The following TET1 variants were observed in gnomAD, a reference collection of about 807,000 sequenced individuals.
The protein encoded by TET1 is methylcytosine dioxygenase TET1.
In TET1, 13 loss-of-function variants were observed where a neutral mutation model predicts 148.7. The ratio of observed to expected loss-of-function variants is 0.09; its 90% confidence interval spans 0.06 to 0.14. The LOEUF is 0.14. Among genes scored for constraint, TET1 ranks in the 10% least tolerant of loss-of-function variants. TET1 has a pLI of 1.00. For synonymous variants in TET1, 907 were observed against 937.2 expected, an observed-to-expected ratio of 0.97 and a Z score of 0.59; for missense variants, 2,182 against 2,553.8, an observed-to-expected ratio of 0.85 and a Z score of 3.14.
intron 10 of TET1, among the ~76,000 whole-genome samples, chr10:68,684,357 T>C (rs1172267116): frequency 6.7e-6 from 1 of 148,694 alleles, no homozygotes; most frequent in Non-Finnish European, 1.5e-5. Flanking sequence ...GTATTGGTGA[T>C]AGATTAAGCC....
intron 3 of TET1, 95 bp downstream of exon 3, chr10:68,601,129 A>T: frequency 9.5e-7 from 1 of 1,054,750 alleles, no homozygotes; most frequent in South Asian, 1.6e-5. Context: ...GTATATGTGA[A>T]TTCTCCCAGA....
intron 10 of TET1, among the ~76,000 whole-genome samples, chr10:68,684,658 G>A (rs1006613523): frequency 1.1e-4 from 16 of 152,056 alleles, no homozygotes; most frequent in African/African-American, 3.6e-4. Context: ...GGTCTTATCC[G>A]GAACTTGACA....
intron 1 of TET1, among the ~76,000 whole-genome samples, chr10:68,562,703 C>G (rs2053566938): frequency 6.6e-6 from 1 of 151,838 alleles, no homozygotes; most frequent in African/African-American, 2.4e-5. Context: ...GGGCTGGTCT[C>G]CCAGAATAGA....
chr10:68,654,354 G>A (rs192702511), intron 6 of TET1, among the ~76,000 whole-genome samples: 14 of 152,120 alleles, frequency 9.2e-5, no homozygotes, highest in Admixed American at 5.2e-4. Flanking sequence ...AGTGGCTCAC[G>A]CCTGTAATCC....
At chr10:68,632,376 C>T (rs12761032) in intron 3 of TET1, 138,672 of 1,601,822 alleles carry the variant, frequency 0.087, 7,776 homozygotes, top group South Asian at 0.19. Flanking sequence ...TCCTCATGGC[C>T]TCCACGCCGG....
rs1169844402 is a variant in TET1 at position 68,686,646 on chromosome 10, C to G, written c.5343C>G (p.Ile1781Met). Residue 1781 changes from isoleucine to methionine, a missense_variant, in exon 11 of 12, where the codon ATC (isoleucine) becomes ATG (methionine). Transcript: ENST00000373644. ...TGGAAAAGAAACCTATTCCCCGAAT[C>G]AAGCGGAAGAATAACTCAACAACAA... ...RAVEKKPIPR[I>M]KRKNNSTTTN... is the part of the protein sequence containing the mutation. The G allele has an allele frequency of 6.2e-7, 1 of 1,614,022 alleles. No individual in the cohort carries two copies.
In TET1 at chr10:68,694,391, G is replaced by A. The variant is rs2055630146; in HGVS notation, c.*2577G>A. On this transcript the variant is annotated 3_prime_UTR_variant, in exon 12 of 12. Coordinates refer to ENST00000373644, the MANE Select transcript of TET1 (RefSeq NM_030625.3). ...TTAAAAGCTTATTCAATGTTCTGCA[G>A]CATTGTGATTGTATGCTGGCTACAC... is the stretch of plus-strand genomic sequence containing the variant. 4.3e-6 allele frequency: 1 copy of A among 232,274 alleles called. No individual in the cohort carries two copies. The highest frequency in any genetic ancestry group is 1.8e-4 in the South Asian group (1 of 5,518). The allele number at this position is 232,274 out of a possible 1,614,324, so 14.4% of individuals were successfully genotyped here.
chr10:68,626,775 C>T (rs1008455849), intron 3 of TET1, among the ~76,000 whole-genome samples: 1 of 152,012 alleles, frequency 6.6e-6, no homozygotes. Context: ...TGGTCTCGAA[C>T]TCCTGACCTC....
intron 2 of TET1, among the ~76,000 whole-genome samples, chr10:68,584,115 C>A (rs934084758): frequency 6.6e-6 from 1 of 151,370 alleles, no homozygotes; most frequent in South Asian, 2.1e-4. Flanking sequence ...TCTCGGCTCA[C>A]TGCAACCTCC....
intron 3 of TET1, chr10:68,632,331 A>C: frequency 1.3e-6 from 2 of 1,514,010 alleles, no homozygotes; most frequent in Non-Finnish European, 9.0e-7. Flanking sequence ...CAAAAAAAAA[A>C]GAAAGGGTGC....
intron 9 of TET1, 99 bp from the exon 10 acceptor site, chr10:68,682,737 T>TTTG (rs2055453449): frequency 1.5e-6 from 2 of 1,346,990 alleles, no homozygotes; most frequent in Non-Finnish European, 2.0e-6. Context: ...CAAAGTGTAA[T>TTTG]TAATTAGAAA....
chr10:68,654,968 T>G (rs1243818558), intron 6 of TET1, among the ~76,000 whole-genome samples: 2 of 152,190 alleles, frequency 1.3e-5, no homozygotes, highest in Non-Finnish European at 2.9e-5. Flanking sequence ...TCTTAAATGT[T>G]TTCATAACAC....
chr10:68,631,144 C>G (rs76709664), intron 3 of TET1, among the ~76,000 whole-genome samples: 4,753 of 152,254 alleles, frequency 0.031, 104 homozygotes, highest in Non-Finnish European at 0.045. Context: ...CCACTGAATT[C>G]CAGCCTAGGC....
intron 4 of TET1, among the ~76,000 whole-genome samples, chr10:68,650,372 G>A (rs762843712): frequency 1.3e-5 from 2 of 151,914 alleles, no homozygotes; most frequent in Non-Finnish European, 1.5e-5. Context: ...GCTGGGTGCC[G>A]TGACTCACAC....
chr10:68,683,424 G>A lies in TET1; in HGVS notation c.5052+451G>A, dbSNP rs185671373. Reference sequence around the variant, plus strand: ...CTCCCAAGTAGCTGGGGCTACAGGCGCCCACGACCACACCCGGATAATTTT... The same window carrying A: ...CTCCCAAGTAGCTGGGGCTACAGGCACCCACGACCACACCCGGATAATTTT... On this transcript the variant is annotated intron_variant, in intron 10 of 11. Coordinates refer to ENST00000373644, the MANE Select transcript of TET1 (RefSeq NM_030625.3). Among the ~76,000 whole-genome samples, 583 of 152,196 alleles carry A rather than the reference G, an allele frequency of 3.8e-3. 4 individuals are homozygous for A. The highest frequency in any genetic ancestry group is 0.017 in the Middle Eastern group (5 of 294).
intron 3 of TET1, among the ~76,000 whole-genome samples, chr10:68,602,991 T>G (rs1366697292): frequency 1.3e-5 from 2 of 152,198 alleles, no homozygotes; most frequent in Non-Finnish European, 2.9e-5. Flanking sequence ...TAGAATATTA[T>G]ATAATCCTAT....
At chr10:68,664,888 C>T (rs1005584506) in intron 6 of TET1, among the ~76,000 whole-genome samples, 4 of 151,832 alleles carry the variant, frequency 2.6e-5, no homozygotes, top group African/African-American at 7.3e-5. Flanking sequence ...GATCCTCCCC[C>T]CTCAGCCTTC....
intron 11 of TET1, among the ~76,000 whole-genome samples, chr10:68,687,747 G>A (rs916519506): frequency 5.3e-5 from 8 of 151,916 alleles, no homozygotes; most frequent in Non-Finnish European, 1.0e-4. Context: ...GTGCCACTGT[G>A]TCTAGCTAAT....
intron 3 of TET1, among the ~76,000 whole-genome samples, chr10:68,608,053 G>A (rs182170391): frequency 1.3e-4 from 20 of 149,462 alleles, no homozygotes; most frequent in African/African-American, 3.2e-4. Flanking sequence ...CTCAGCCTCC[G>A]GAGTAGCTGG....
Sources: allele counts gnomAD v4.1 joint callset (sites outside exome capture counted in the v4.1 genomes callset), GRCh38; gene constraint gnomAD v4.1.1; transcripts MANE v1.5; gene names NCBI Gene and HGNC (gene_info 2026-07-23, HGNC 2026-07-21).